The following KLF16 variants were observed in gnomAD, a reference collection of about 807,000 sequenced individuals.
The protein encoded by KLF16 is KLF transcription factor 16.
A neutral mutation model predicts 6.1 loss-of-function variants in KLF16; 6 were observed. The observed-to-expected ratio is 0.98, with a 90% CI of 0.54 to 1.93. KLF16 has a LOEUF of 1.93. Among genes scored for constraint, KLF16 ranks in the 30% most tolerant of loss-of-function variants. The pLI, the probability that KLF16 is intolerant of heterozygous loss-of-function variation, is 0.01. For synonymous variants in KLF16, 211 were observed against 176.5 expected (o/e 1.20, Z -1.55); for missense variants, 355 against 363.8 (o/e 0.98, Z 0.20).
the KLF16 span, among the ~76,000 whole-genome samples, chr19:1,871,268 G>A: frequency 3.3e-5 from 5 of 152,308 alleles, no homozygotes; most frequent in East Asian, 1.9e-4. Flanking sequence ...GTTTATTCAC[G>A]GATGACCTTT....
rs1253957602 is a variant in KLF16, at chr19:1,854,547, C to T, written c.671G>A (p.Ser224Asn). Residue 224 changes from serine (S) to asparagine (N), a missense_variant, in exon 2 of 2, where the codon AGT (serine) becomes AAT (asparagine). Coordinates refer to ENST00000250916, the MANE Select transcript of KLF16 (RefSeq NM_031918.4). ...PDLLRRPGAR[S>N]TSPSDSLPCS... ...GGGCAGCGAGTCGCTGGGGGAGGTA[C>T]TGCGGGCACCAGGGCGCCGGAGCAG... The T allele has an allele frequency of 1.9e-6, 3 of 1,558,032 alleles. No homozygotes were observed. Among genetic ancestry groups the T allele is most frequent in the Admixed American group, 1.9e-5 (1 of 53,286 alleles).
At chr19:1,864,235 A>T (rs2012144438), upstream of KLF16, among the ~76,000 whole-genome samples, 1 of 150,050 alleles carries the variant, frequency 6.7e-6, no homozygotes. Context: ...CCGGGGTTGG[A>T]GGGGTGCGGA....
chr19:1,856,624 G>A (rs1488775559), intron 1 of KLF16, among the ~76,000 whole-genome samples: 1 of 152,188 alleles, frequency 6.6e-6, no homozygotes, highest in Non-Finnish European at 1.5e-5. Context: ...ACCCAAGCAA[G>A]AGGCGCAGAG....
upstream of KLF16, among the ~76,000 whole-genome samples, chr19:1,865,002 G>GC (rs1416843514): frequency 6.6e-6 from 1 of 152,200 alleles, no homozygotes; most frequent in East Asian, 1.9e-4. Flanking sequence ...GGCTTCTCTA[G>GC]CCCCATCCCC....
chr19:1,860,689 T>G (rs374061438), intron 1 of KLF16, among the ~76,000 whole-genome samples: 144 of 152,294 alleles, frequency 9.5e-4, no homozygotes, highest in African/African-American at 3.3e-3. Context: ...ACGCATGGCC[T>G]TCCTGTCCCC....
chr19:1,861,498 GAT>G (rs899893928), intron 1 of KLF16: 1 of 152,270 alleles, frequency 6.6e-6, no homozygotes, highest in African/African-American at 2.4e-5. Flanking sequence ...TCCCCGCGGA[GAT>G]ACACGGACCC....
chr19:1,860,610 G>C (rs1252754571), intron 1 of KLF16, among the ~76,000 whole-genome samples: 1 of 152,224 alleles, frequency 6.6e-6, no homozygotes, highest in Non-Finnish European at 1.5e-5. Context: ...ACTCGGGTTC[G>C]TCTGCGGATC....
At chr19:1,854,792 C>T in intron 1 of KLF16, 32 bp from the exon 2 acceptor site, 1 of 1,593,652 alleles carries the variant, frequency 6.3e-7, no homozygotes, top group South Asian at 1.1e-5. Flanking sequence ...GACAGCGGGT[C>T]AGCGGGGGCG....
intron 1 of KLF16, among the ~76,000 whole-genome samples, chr19:1,858,957 A>C (rs2012008144): frequency 6.6e-6 from 1 of 151,880 alleles, no homozygotes; most frequent in South Asian, 2.1e-4. Flanking sequence ...ATCGCCCCCC[A>C]CAACCCTGGG....
the KLF16 span, chr19:1,875,606 T>C: frequency 1.3e-5 from 2 of 152,204 alleles, no homozygotes; most frequent in African/African-American, 4.8e-5. Flanking sequence ...TTGCAAGCAG[T>C]TGCTTTGCAC....
Position 1,863,094 on chromosome 19 carries a change from G to A in KLF16, c.404C>T (p.Ala135Val). 1 of 1,405,512 alleles carries A rather than the reference G, an allele frequency of 7.1e-7. No homozygotes were observed. Among genetic ancestry groups the A allele is most frequent in the Non-Finnish European group, 9.4e-7 (1 of 1,061,254 alleles). The allele number at this position is 1,405,512 out of a possible 1,614,324, so 87.1% of individuals were successfully genotyped here. Residue 135 changes from alanine to valine, a missense_variant, in exon 1 of 2, where the codon GCC (alanine) becomes GTC (valine). Physicochemically the swap from Ala to Val is moderately conservative, Grantham distance 64. Coordinates refer to ENST00000250916, the MANE Select transcript of KLF16 (RefSeq NM_031918.4). ...GTGCGAGGACTTGTAGTAGGCTTTG[G>A]CGCAGTCCGGGAAGGGACAGCGGTG... The part of the protein sequence containing the change: ...KSHRCPFPDC[A>V]KAYYKSSHLK...
chr19:1,854,885 T>C, intron 1 of KLF16, 125 bp from the exon 2 acceptor site: 1 of 1,019,332 alleles, frequency 9.8e-7, no homozygotes, highest in South Asian at 1.5e-5. Flanking sequence ...TGAGCTCTGG[T>C]GTGAGTTCAA....
the KLF16 span, among the ~76,000 whole-genome samples, chr19:1,872,070 A>C: frequency 6.6e-6 from 1 of 152,170 alleles, no homozygotes; most frequent in Non-Finnish European, 1.5e-5. Context: ...GGCCTCCCAA[A>C]GATGATGAAA....
upstream of KLF16, among the ~76,000 whole-genome samples, chr19:1,864,578 A>AGGGCT (rs762094287): frequency 1.8e-4 from 27 of 147,438 alleles, no homozygotes; most frequent in Admixed American, 9.3e-4. Flanking sequence ...CCGAACGCAA[A>AGGGCT]GGGCTGGGCT....
chr19:1,863,582 GGGAGGC>G (rs1019186310), upstream of KLF16: 66 of 562,162 alleles, frequency 1.2e-4, no homozygotes, highest in African/African-American at 2.9e-4. Flanking sequence ...GCTCGAGTGC[GGGAGGC>G]GGAGGAGGAG....
At chr19:1,855,661 C>A (rs2011935432) in intron 1 of KLF16, among the ~76,000 whole-genome samples, 1 of 152,252 alleles carries the variant, frequency 6.6e-6, no homozygotes, top group Non-Finnish European at 1.5e-5. Context: ...CCACCCGACC[C>A]CTTCCTTTAG....
At chr19:1,870,953 G>C in the KLF16 span, among the ~76,000 whole-genome samples, 6 of 152,092 alleles carry the variant, frequency 3.9e-5, no homozygotes, top group African/African-American at 1.4e-4. Flanking sequence ...CCAAGATTGC[G>C]CCACTGCACT....
At chr19:1,865,250 C>G (rs1295495495), upstream of KLF16, among the ~76,000 whole-genome samples, 1 of 152,246 alleles carries the variant, frequency 6.6e-6, no homozygotes, top group Non-Finnish European at 1.5e-5. Flanking sequence ...GGCTCCAGAG[C>G]CCTCTCTGCA....
chr19:1,864,271 C>T (rs2012145260), upstream of KLF16, among the ~76,000 whole-genome samples: 1 of 138,882 alleles, frequency 7.2e-6, no homozygotes, highest in South Asian at 2.2e-4. Flanking sequence ...CCCCAGGCCA[C>T]GTGCGCGACC....
Sources: gnomAD v4.1 joint callset for allele counts (sites outside exome capture counted in the v4.1 genomes callset) on GRCh38, gnomAD v4.1.1 for gene constraint, MANE v1.5 for transcripts, NCBI Gene and HGNC (gene_info 2026-07-23, HGNC 2026-07-21) for gene names.